Variants in GBP7 observed in about 807,000 individuals in gnomAD.
The protein encoded by GBP7 is guanylate-binding protein 7.
GBP7 carries 43 observed loss-of-function variants against 61.3 expected under a neutral mutation model. That is an observed-to-expected ratio of 0.70 (90% CI 0.55 to 0.91). The LOEUF is 0.91. Among genes scored for constraint, GBP7 ranks in the 40% least tolerant of loss-of-function variants. The probability of loss-of-function intolerance (pLI) is 0.00; values close to 1 mark genes in which losing one functional copy is unlikely to be tolerated. For synonymous variants in GBP7, 267 were observed against 271.0 expected, an observed-to-expected ratio of 0.99 and a Z score of 0.14; for missense variants, 717 against 740.5, an observed-to-expected ratio of 0.97 and a Z score of 0.37.
chr1:89,164,774 G>T lies in GBP7; in HGVS notation c.275C>A (p.Thr92Asn). Residue 92 changes from threonine (T) to asparagine (N), a missense_variant, in exon 3 of 11, where the codon ACC (threonine) becomes AAC (asparagine). Around this residue, in one of 3 missense-constraint regions of GBP7, gnomAD observed 387 missense variants for 385.2 expected, o/e 1.00. Coordinates refer to ENST00000294671, the MANE Select transcript of GBP7 (RefSeq NM_207398.3). ...CVPHPSKPNH[T>N]LILLDTEGLG... is the part of the protein sequence containing the mutation. The stretch of plus-strand genomic sequence containing the variant: ...GCCCTCCGTGTCCAGAAGGATCAGG[G>T]TGTGGTTTGGCTTGGAGGGGTGGGG... 6.2e-7 allele frequency: 1 copy of T among 1,613,972 alleles called. No individual in the cohort carries two copies. The highest frequency in any genetic ancestry group is 8.5e-7 in the Non-Finnish European group (1 of 1,179,884).
At chr1:89,148,386 C>T (rs1052038112) in intron 7 of GBP7, among the ~76,000 whole-genome samples, 4 of 152,188 alleles carry the variant, frequency 2.6e-5, no homozygotes, top group African/African-American at 9.7e-5. Flanking sequence ...GATTTCCCCT[C>T]CGAGGTTTCC....
chr1:89,150,624 G>C (rs1682173312), intron 5 of GBP7, 49 bp from the exon 6 acceptor site: 2 of 1,582,646 alleles, frequency 1.3e-6, no homozygotes, highest in Non-Finnish European at 1.7e-6. Context: ...TTTTAAGTGA[G>C]CCTGAAGATT....
At chr1:89,149,709 C>G (rs1006738143) in intron 6 of GBP7, 137 bp from the exon 7 acceptor site, 4 of 629,038 alleles carry the variant, frequency 6.4e-6, no homozygotes, top group African/African-American at 3.7e-5. Context: ...TCTTTCAATT[C>G]TACTATTACT....
At position 89,167,851 on chromosome 1, in the gene GBP7, AC is replaced by A. The variant is rs576444930; in HGVS notation, c.191-2994del. On this transcript the variant is annotated intron_variant, in intron 2 of 10. Transcript: ENST00000294671. The stretch of plus-strand genomic sequence containing the variant: ...CGAGTCCAAACTCCTGACATTCCCA[AC>A]CAGATTCATAGGATTTTATTTTTTT... Among the ~76,000 whole-genome samples the A allele has an allele frequency of 7.9e-5, 12 of 152,348 alleles. No individual in the cohort carries two copies. The East Asian group carries it at 2.1e-3, about 27-fold the overall frequency.
chr1:89,145,303 G>A (rs1461020996), intron 8 of GBP7, among the ~76,000 whole-genome samples: 1 of 152,106 alleles, frequency 6.6e-6, no homozygotes, highest in Non-Finnish European at 1.5e-5. Context: ...TGCAGTATTT[G>A]TCTTTCTAAG....
intron 9 of GBP7, among the ~76,000 whole-genome samples, chr1:89,140,040 C>G (rs1309203414): frequency 6.6e-6 from 1 of 151,994 alleles, no homozygotes; most frequent in Non-Finnish European, 1.5e-5. Context: ...TTGGAACCAA[C>G]CCAAATGTCC....
chr1:89,137,834 C>A (rs562286188), intron 9 of GBP7, among the ~76,000 whole-genome samples: 5 of 151,976 alleles, frequency 3.3e-5, no homozygotes, highest in Non-Finnish European at 5.9e-5. Context: ...AAAAAGTTAT[C>A]CAATAGGAAG....
At chr1:89,158,678 G>A (rs1262129918) in intron 3 of GBP7, among the ~76,000 whole-genome samples, 6 of 152,138 alleles carry the variant, frequency 3.9e-5, no homozygotes, top group Admixed American at 3.9e-4. Context: ...TCTTCAAGGA[G>A]AACTACAAAC....
chr1:89,172,603 A>C (rs1334112482), intron 1 of GBP7, among the ~76,000 whole-genome samples: 1 of 152,032 alleles, frequency 6.6e-6, no homozygotes, highest in East Asian at 1.9e-4. Context: ...TGATGTTGAC[A>C]TTACTTTTTC....
Position 89,171,932 on chromosome 1 carries a change from C to T in GBP7, c.4G>A (p.Ala2Thr). M[A>T]SEIHMPGPVC... ...GGGCCTGGCATGTGGATCTCTGATG[C>T]CATGTTCAGGGCGTTCCTCTGTCTG... is the stretch of plus-strand genomic sequence containing the variant. The change falls in exon 2 of 11, where the codon GCA becomes ACA. Residue 2 changes from alanine (A) to threonine (T), a missense_variant. Physicochemically the swap from Ala to Thr is moderately conservative, Grantham distance 58. Around this residue, in one of 3 missense-constraint regions of GBP7, gnomAD observed 387 missense variants for 385.2 expected, o/e 1.00. Coordinates refer to ENST00000294671, the MANE Select transcript of GBP7 (RefSeq NM_207398.3). The T allele has an allele frequency of 6.2e-7, 1 of 1,610,982 alleles. No homozygotes were observed. Among genetic ancestry groups the T allele is most frequent in the Non-Finnish European group, 8.5e-7 (1 of 1,177,816 alleles).
intron 8 of GBP7, 40 bp downstream of exon 8, chr1:89,147,527 T>A: frequency 6.6e-7 from 1 of 1,518,044 alleles, no homozygotes; most frequent in Middle Eastern, 1.7e-4. Context: ...ACCCTCTGAC[T>A]ATCCTCTGTC....
chr1:89,154,947 C>G (rs1038743550), intron 3 of GBP7, among the ~76,000 whole-genome samples: 1 of 152,172 alleles, frequency 6.6e-6, no homozygotes, highest in Non-Finnish European at 1.5e-5. Flanking sequence ...GGAGGCACCT[C>G]CCAGTAGGGG....
intron 3 of GBP7, among the ~76,000 whole-genome samples, chr1:89,163,260 G>A (rs1647325330): frequency 1.3e-5 from 2 of 152,144 alleles, no homozygotes; most frequent in South Asian, 4.1e-4. Flanking sequence ...TTTGGTATCA[G>A]GATGATGCTG....
At chr1:89,173,304 A>C (rs888293912) in intron 1 of GBP7, among the ~76,000 whole-genome samples, 3 of 152,130 alleles carry the variant, frequency 2.0e-5, no homozygotes, top group Non-Finnish European at 4.4e-5. Flanking sequence ...ACTAGGACAC[A>C]TCTATATTTA....
chr1:89,164,174 A>G (rs1372111981), intron 3 of GBP7, among the ~76,000 whole-genome samples: 1 of 152,012 alleles, frequency 6.6e-6, no homozygotes, highest in African/African-American at 2.4e-5. Context: ...CCGGCTAGCT[A>G]GTGCTTTTCT....
chr1:89,133,487 ACAGT>A (rs1267275860), intron 9 of GBP7, 36 bp from the exon 10 acceptor site: 4 of 1,578,038 alleles, frequency 2.5e-6, no homozygotes, highest in South Asian at 1.1e-5. Flanking sequence ...GAAGAAAATA[ACAGT>A]CAGGTGGGAG....
At chr1:89,172,053 G>A in intron 1 of GBP7, 99 bp from the exon 2 acceptor site, 1 of 844,262 alleles carries the variant, frequency 1.2e-6, no homozygotes, top group Non-Finnish European at 1.8e-6. Context: ...CTTGAACATT[G>A]TTTCTTGTGC....
chr1:89,160,466 G>T (rs1682415313), intron 3 of GBP7, among the ~76,000 whole-genome samples: 1 of 152,182 alleles, frequency 6.6e-6, no homozygotes, highest in South Asian at 2.1e-4. Flanking sequence ...GCCTGGCTTA[G>T]ATTCCAGCTT....
At chr1:89,149,642 C>T (rs142296842) in intron 6 of GBP7, 70 bp from the exon 7 acceptor site, 20 of 1,327,978 alleles carry the variant, frequency 1.5e-5, no homozygotes, top group Middle Eastern at 1.9e-4. Context: ...TGGTATGTAT[C>T]AGCATTCTAA....
Sources: gnomAD v4.1 joint callset for allele counts (sites outside exome capture counted in the v4.1 genomes callset) on GRCh38, gnomAD v4.1.1 for gene constraint, gnomAD v4.1.1 regional missense constraint, MANE v1.5 for transcripts, NCBI Gene and HGNC (gene_info 2026-07-23, HGNC 2026-07-21) for gene names.